PHACTR2: variants seen among roughly 807,000 people sequenced by gnomAD.
The protein encoded by PHACTR2 is chromosome 6 open reading frame 56.
In PHACTR2, 30 loss-of-function variants were observed where a neutral mutation model predicts 76.0. That is an observed-to-expected ratio of 0.39 (90% CI 0.30 to 0.54). PHACTR2 has a LOEUF of 0.54. Among genes scored for constraint, PHACTR2 ranks in the 20% least tolerant of loss-of-function variants. The pLI is 0.61. For synonymous variants in PHACTR2, 292 were observed against 292.5 expected, an observed-to-expected ratio of 1.00 and a Z score of 0.02; for missense variants, 696 against 781.1, an observed-to-expected ratio of 0.89 and a Z score of 1.30.
chr6:143,684,769 T>C lies in PHACTR2; in HGVS notation c.46+6560T>C, dbSNP rs984077205. On this transcript the variant is annotated intron_variant, in intron 1 of 12. Coordinates refer to ENST00000440869, the MANE Select transcript of PHACTR2 (RefSeq NM_001100164.2). This position sits in a 1 kb window ranked among gnomAD's most constrained non-coding sequence, Gnocchi z 4.3. The stretch of plus-strand genomic sequence containing the variant: ...TTAACAAGTGGAACTTTAGCATGTA[T>C]TTAATTCCCACTCATTCTCTTACCT... Among the ~76,000 whole-genome samples, 4 of 152,222 alleles carry C rather than the reference T, an allele frequency of 2.6e-5. No homozygotes were observed. Among genetic ancestry groups the C allele is most frequent in the African/African-American group, 9.6e-5 (4 of 41,462 alleles).
At chr6:143,637,425 G>T (rs1776478129) in intron 1 of PHACTR2, among the ~76,000 whole-genome samples, 1 of 152,160 alleles carries the variant, frequency 6.6e-6, no homozygotes, top group African/African-American at 2.4e-5. Context: ...TTCTTGGACT[G>T]GTAGCTTATC....
In PHACTR2 at chr6:143,681,421, C is replaced by T. The variant is rs141966830; in HGVS notation, c.46+3212C>T. ...TCTTTGGAAAAAATGTCTTCAGATC[C>T]TTTGCCTAATTTTAGTTGGATAATT... is the stretch of plus-strand genomic sequence containing the variant. On this transcript the variant is annotated intron_variant, in intron 1 of 12. Coordinates refer to ENST00000440869, the MANE Select transcript of PHACTR2 (RefSeq NM_001100164.2). 5.1e-3 allele frequency among the ~76,000 whole-genome samples: 775 copies of T among 151,794 alleles called. 5 individuals carry two copies. The highest frequency in any genetic ancestry group is 0.02 in the South Asian group (98 of 4,816).
At chr6:143,771,202 A>ATG (rs1562300866) in intron 6 of PHACTR2, among the ~76,000 whole-genome samples, 2 of 72,120 alleles carry the variant, frequency 2.8e-5, no homozygotes, top group African/African-American at 1.6e-4. Flanking sequence ...GTGTATATAT[A>ATG]TATATATATA....
At chr6:143,769,008 T>C (rs1274608396) in intron 6 of PHACTR2, among the ~76,000 whole-genome samples, 2 of 152,220 alleles carry the variant, frequency 1.3e-5, no homozygotes, top group Non-Finnish European at 1.5e-5. Context: ...TGGCTCTTAG[T>C]CACTTTCTTT....
chr6:143,699,269 G>A (rs140976461), intron 1 of PHACTR2, among the ~76,000 whole-genome samples: 121 of 152,208 alleles, frequency 7.9e-4, no homozygotes, highest in Admixed American at 2.7e-3. Context: ...CAGCTCTGCA[G>A]CCCTTCTTCT....
rs1779326108 is a variant in PHACTR2 at position 143,757,372 on chromosome 6, A to G, written c.455-3029A>G. Among the ~76,000 whole-genome samples the G allele has an allele frequency of 6.6e-6, 1 of 152,232 alleles. No homozygotes were observed. The highest frequency in any genetic ancestry group is 2.4e-5 in the African/African-American group (1 of 41,462). On this transcript the variant is annotated intron_variant, in intron 4 of 12. Transcript: ENST00000440869. This position sits in a 1 kb window ranked among gnomAD's most constrained non-coding sequence, Gnocchi z 4.2. ...CCAAGGGAGCTCACAGTGAGGGCCA[A>G]CATTGGTTCTCAGAGGAAGATATTT... is the stretch of plus-strand genomic sequence containing the variant.
chr6:143,632,622 G>A (rs1295707681), intron 1 of PHACTR2, among the ~76,000 whole-genome samples: 1 of 152,142 alleles, frequency 6.6e-6, no homozygotes. Flanking sequence ...CCCAACATTA[G>A]GGTTCACTCT....
chr6:143,661,197 A>G (rs1288519826), intron 1 of PHACTR2, among the ~76,000 whole-genome samples: 3 of 152,242 alleles, frequency 2.0e-5, no homozygotes, highest in Non-Finnish European at 4.4e-5. Flanking sequence ...ATTATCACCT[A>G]AAGTCACAGA....
chr6:143,628,632 G>A (rs1358445304), intron 1 of PHACTR2, among the ~76,000 whole-genome samples: 2 of 151,902 alleles, frequency 1.3e-5, no homozygotes, highest in Non-Finnish European at 2.9e-5. Flanking sequence ...GATAATCCAG[G>A]GTAATAGCCT....
At chr6:143,770,062 G>A (rs561392171) in intron 6 of PHACTR2, among the ~76,000 whole-genome samples, 1 of 152,238 alleles carries the variant, frequency 6.6e-6, no homozygotes, top group East Asian at 1.9e-4. Flanking sequence ...GCTCAAAGCA[G>A]TATTATTCAC....
chr6:143,766,385 A>G (rs1196635540), intron 6 of PHACTR2, among the ~76,000 whole-genome samples: 1 of 152,248 alleles, frequency 6.6e-6, no homozygotes, highest in Non-Finnish European at 1.5e-5. Flanking sequence ...GTCTTACATA[A>G]GACACCTCTG....
rs1391377731 is a variant in PHACTR2, at chr6:143,672,254, A to G, written c.14-39762A>G. Among the ~76,000 whole-genome samples, 1 of 151,916 alleles carries G rather than the reference A, an allele frequency of 6.6e-6. No homozygotes were observed. The highest frequency in any genetic ancestry group is 1.5e-5 in the Non-Finnish European group (1 of 67,978). ...ACTTATTCTTCAAAAAGCTGCAAGC[A>G]AGCCTGGGCAATATAGTGAGACCCT... On this transcript the variant is annotated intron_variant, in intron 1 of 11. Transcript: ENST00000305766. The surrounding 1 kb of genome is among the most constrained non-coding windows in gnomAD (Gnocchi z 5.8).
In PHACTR2 at chr6:143,733,111, C is replaced by T. The variant is rs1441150388; in HGVS notation, c.215-15874C>T. ...ATGGAGGCTTGCTCAGCTGCCCAGG[C>T]TGGGTGTCCAACTGGCTTCAAGTGA... On this transcript the variant is annotated intron_variant, in intron 2 of 12. Coordinates refer to ENST00000440869, the MANE Select transcript of PHACTR2 (RefSeq NM_001100164.2). The surrounding 1 kb of genome is among the most constrained non-coding windows in gnomAD (Gnocchi z 4.0). 2.0e-5 allele frequency among the ~76,000 whole-genome samples: 3 copies of T among 152,084 alleles called. No homozygotes were observed. Among genetic ancestry groups the T allele is most frequent in the African/African-American group, 4.8e-5 (2 of 41,408 alleles).
intron 1 of PHACTR2, among the ~76,000 whole-genome samples, chr6:143,711,279 T>C (rs1010932473): frequency 1.3e-5 from 2 of 152,222 alleles, no homozygotes; most frequent in African/African-American, 4.8e-5. Flanking sequence ...TGCTTCCAGT[T>C]CTTTGCCATT....
At position 143,597,832 on chromosome 6, in the gene PHACTR2, A is replaced by C. The variant is rs931658104; in HGVS notation, c.217+60625A>C. Among the ~76,000 whole-genome samples the C allele has an allele frequency of 6.6e-6, 1 of 152,048 alleles. No individual in the cohort carries two copies. Among genetic ancestry groups the C allele is most frequent in the Non-Finnish European group, 1.5e-5 (1 of 68,002 alleles). ...CATTCTTTTTTATAATTTCGCTACCATTTTATCCTGAGAAATTCTCTTTCA... is the reference window on the plus strand; with the variant it reads ...CATTCTTTTTTATAATTTCGCTACCCTTTTATCCTGAGAAATTCTCTTTCA... On this transcript the variant is annotated intron_variant, in intron 1 of 11. Transcript: ENST00000367584. This position sits in a 1 kb window ranked among gnomAD's most constrained non-coding sequence, Gnocchi z 5.7.
In PHACTR2 at chr6:143,823,944, T is replaced by C; in HGVS notation, c.*255T>C. The C allele has an allele frequency of 2.8e-6, 1 of 362,540 alleles. No homozygotes were observed. The highest frequency in any genetic ancestry group is 8.5e-5 in the South Asian group (1 of 11,776). The allele number at this position is 362,540 out of a possible 1,614,324, so 22.5% of individuals were successfully genotyped here. A position where few individuals can be genotyped will look rare whatever the true frequency, so the allele number is the denominator to read the frequency against. ...CGATGGTAAGAGACACCGTGGATAT[T>C]CTTCATCAGAAGCTTTAATCAAAGA... On this transcript the variant is annotated 3_prime_UTR_variant, in exon 13 of 13. Transcript: ENST00000440869. The surrounding 1 kb of genome is among the most constrained non-coding windows in gnomAD (Gnocchi z 5.7).
intron 2 of PHACTR2, among the ~76,000 whole-genome samples, chr6:143,728,220 T>TC (rs1562284750): frequency 7.1e-6 from 1 of 140,380 alleles, no homozygotes; most frequent in African/African-American, 2.7e-5. Context: ...TTCTTTCTTT[T>TC]TTTTTTTTTT....
chr6:143,769,035 C>A (rs76990366), intron 6 of PHACTR2, among the ~76,000 whole-genome samples: 3,621 of 152,258 alleles, frequency 0.024, 78 homozygotes, highest in Middle Eastern at 0.044. Flanking sequence ...AACTTTCCTT[C>A]TGAGTTATGT....
chr6:143,754,737 G>T lies in PHACTR2; in HGVS notation c.454+825G>T, dbSNP rs1023646422. Among the ~76,000 whole-genome samples, 5 of 152,210 alleles carry T rather than the reference G, an allele frequency of 3.3e-5. No homozygotes were observed. Among genetic ancestry groups the T allele is most frequent in the Non-Finnish European group, 7.3e-5 (5 of 68,034 alleles). On this transcript the variant is annotated intron_variant, in intron 4 of 12. Coordinates refer to ENST00000440869, the MANE Select transcript of PHACTR2 (RefSeq NM_001100164.2). The surrounding 1 kb of genome is among the most constrained non-coding windows in gnomAD (Gnocchi z 6.2). ...TCTAAAAGGAAAGGTTTTGTGGGGA[G>T]ATTCTAGATGCCTCCATGCAGCATA...
Sources: allele counts gnomAD v4.1 joint callset (sites outside exome capture counted in the v4.1 genomes callset), GRCh38; gene constraint gnomAD v4.1.1; non-coding constraint Gnocchi (gnomAD v3.1); transcripts MANE v1.5; gene names NCBI Gene and HGNC (gene_info 2026-07-23, HGNC 2026-07-21).